ALG12: variants seen among roughly 807,000 people sequenced by gnomAD.
ALG12 encodes the protein ALG12 alpha-1,6-mannosyltransferase.
A neutral mutation model predicts 46.0 loss-of-function variants in ALG12; 36 were observed. That is an observed-to-expected ratio of 0.78 (90% CI 0.60 to 1.03). ALG12 has a LOEUF of 1.03. Ranked by LOEUF, ALG12 falls within the 50% of genes least tolerant of loss-of-function variation. The pLI is 0.00. For missense variants in ALG12, 599 were observed against 633.5 expected (o/e 0.95, Z 0.58); for synonymous variants, 326 against 291.6 (o/e 1.12, Z -1.20).
chr22:49,896,138 C>G (rs922810624), downstream of ALG12, among the ~76,000 whole-genome samples: 10 of 152,224 alleles, frequency 6.6e-5, no homozygotes, highest in Non-Finnish European at 1.0e-4. Flanking sequence ...AGGAAACCCA[C>G]TGGTGTGGCT....
the ALG12 span, among the ~76,000 whole-genome samples, chr22:49,881,944 T>C: frequency 6.6e-6 from 1 of 152,256 alleles, no homozygotes; most frequent in Non-Finnish European, 1.5e-5. Flanking sequence ...CAGTTTTTAT[T>C]AACCTTGGAA....
Position 49,909,913 on chromosome 22 carries a change from C to T in ALG12, c.645G>A (p.Pro215=), listed in dbSNP as rs12167668. ...SVVRALRHAV[P]AGILCLGLTV... ...ACTTACCTAAACAGAGGATCCCTGCCGGGACGGCGTGGCGAAGGGCTCTGA... is the reference window on the plus strand; with the variant it reads ...ACTTACCTAAACAGAGGATCCCTGCTGGGACGGCGTGGCGAAGGGCTCTGA... The change falls in exon 5 of 10, where the codon CCG becomes CCA. Residue 215 remains proline (P), a synonymous_variant. Transcript: ENST00000330817. 1,769 of 1,614,128 alleles carry T rather than the reference C, an allele frequency of 1.1e-3. 9 individuals carry two copies. The African/African-American group carries it at 0.02, about 18-fold the overall frequency.
At chr22:49,870,554 G>A in the ALG12 span, among the ~76,000 whole-genome samples, 1 of 152,044 alleles carries the variant, frequency 6.6e-6, no homozygotes, top group Middle Eastern at 3.2e-3. Context: ...TTGTGGTTTT[G>A]ATTTGCACTT....
At position 49,906,277 on chromosome 22, in the gene ALG12, C is replaced by T. The variant is rs1030576693; in HGVS notation, c.992+1444G>A. On this transcript the variant is annotated intron_variant, in intron 7 of 9. Transcript: ENST00000330817. This position sits in a 1 kb window ranked among gnomAD's most constrained non-coding sequence, Gnocchi z 4.4. ...GAATACAATCCATCCGCGCCGCTCTCCCCGTCTTTCCTACCCTCTTTTCCA... is the reference window on the plus strand; with the variant it reads ...GAATACAATCCATCCGCGCCGCTCTTCCCGTCTTTCCTACCCTCTTTTCCA... Among the ~76,000 whole-genome samples the T allele has an allele frequency of 1.3e-5, 2 of 152,222 alleles. No individual in the cohort carries two copies. The highest frequency in any genetic ancestry group is 4.8e-5 in the African/African-American group (2 of 41,458).
At chr22:49,886,845 G>A in the ALG12 span, 3 of 1,614,070 alleles carry the variant, frequency 1.9e-6, no homozygotes, top group Non-Finnish European at 2.5e-6. This position sits in a 1 kb window ranked among gnomAD's most constrained non-coding sequence, Gnocchi z 7.7. Context: ...CTGCCGCAGA[G>A]GAGAACCTGT....
chr22:49,864,008 G>A, the ALG12 span, among the ~76,000 whole-genome samples: 1 of 152,166 alleles, frequency 6.6e-6, no homozygotes, highest in Non-Finnish European at 1.5e-5. Flanking sequence ...TGCTCATCTT[G>A]TATTTTTCCG....
chr22:49,878,165 C>T, the ALG12 span, among the ~76,000 whole-genome samples: 1 of 152,032 alleles, frequency 6.6e-6, no homozygotes, highest in Admixed American at 6.6e-5. Context: ...ATTAGCCAGA[C>T]GTGGTGACAG....
the ALG12 span, chr22:49,883,716 T>A: frequency 1.2e-6 from 2 of 1,606,726 alleles, no homozygotes; most frequent in African/African-American, 1.3e-5. Context: ...TCGTTTCTGA[T>A]AAAATAAAGT....
chr22:49,863,456 G>A, the ALG12 span, among the ~76,000 whole-genome samples: 1 of 152,062 alleles, frequency 6.6e-6, no homozygotes, highest in Non-Finnish European at 1.5e-5. Context: ...GTGAAACCAC[G>A]TCTCTACTAA....
the ALG12 span, chr22:49,885,691 G>C: frequency 1.9e-6 from 3 of 1,611,100 alleles, no homozygotes; most frequent in African/African-American, 4.0e-5. Context: ...TTCTTTTGTA[G>C]ACAACGTTGG....
chr22:49,877,866 G>A, the ALG12 span, among the ~76,000 whole-genome samples: 1 of 152,134 alleles, frequency 6.6e-6, no homozygotes, highest in African/African-American at 2.4e-5. Flanking sequence ...CACTCTGCAG[G>A]ATTGTTTCGA....
At chr22:49,913,250 G>T in intron 3 of ALG12, 135 bp downstream of exon 3, 1 of 1,405,964 alleles carries the variant, frequency 7.1e-7, no homozygotes, top group Non-Finnish European at 9.9e-7. Flanking sequence ...GCTCTGAGCC[G>T]CCATGCCACG....
the ALG12 span, chr22:49,883,781 T>C: frequency 6.2e-7 from 1 of 1,613,316 alleles, no homozygotes; most frequent in Middle Eastern, 1.6e-4. Flanking sequence ...TTGGAAAGAA[T>C]GGACTTTAAA....
At chr22:49,877,983 T>G in the ALG12 span, among the ~76,000 whole-genome samples, 1 of 152,046 alleles carries the variant, frequency 6.6e-6, no homozygotes. Context: ...ATACTACATA[T>G]AAAGCTGCTG....
chr22:49,889,503 C>G, the ALG12 span: 1 of 167,090 alleles, frequency 6.0e-6, no homozygotes, highest in East Asian at 1.9e-4. Context: ...CTTCATGCTG[C>G]TGTATTTTTA....
the ALG12 span, among the ~76,000 whole-genome samples, chr22:49,865,692 G>T: frequency 6.6e-6 from 1 of 151,830 alleles, no homozygotes; most frequent in Non-Finnish European, 1.5e-5. Flanking sequence ...GCTCACATTG[G>T]GTCCTCATGT....
In ALG12 at chr22:49,904,681, C is replaced by T. The variant is rs115518005; in HGVS notation, c.993-175G>A. 1,732 of 677,568 alleles carry T rather than the reference C, an allele frequency of 2.6e-3. 28 individuals are homozygous for T. The African/African-American group carries it at 0.029, about 11-fold the overall frequency. 42.0% of individuals were successfully genotyped at this position (677,568 alleles called of 1,614,324 possible). On this transcript the variant is annotated intron_variant, in intron 7 of 9. Coordinates refer to ENST00000330817, the MANE Select transcript of ALG12 (RefSeq NM_024105.4). ...CGTAAAAGTGGTTAAGATACTGCCT[C>T]AAGAATTGTCTGTGAAATTCTACCC... is the stretch of plus-strand genomic sequence containing the variant.
chr22:49,861,748 G>T, the ALG12 span, among the ~76,000 whole-genome samples: 1 of 152,184 alleles, frequency 6.6e-6, no homozygotes, highest in Non-Finnish European at 1.5e-5. Flanking sequence ...CTGCGTGTCT[G>T]GTTTTTCTGC....
chr22:49,906,913 C>T lies in ALG12; in HGVS notation c.992+808G>A, dbSNP rs1161250901. Among the ~76,000 whole-genome samples the T allele has an allele frequency of 6.6e-6, 1 of 152,108 alleles. No homozygotes were observed. The highest frequency in any genetic ancestry group is 2.4e-5 in the African/African-American group (1 of 41,406). On this transcript the variant is annotated intron_variant, in intron 7 of 9. Transcript: ENST00000330817. This position sits in a 1 kb window ranked among gnomAD's most constrained non-coding sequence, Gnocchi z 4.4. ...GACTCTCCTGGCTCCCTGAGGCTTG[C>T]AACACTGAGTGGCAGCCGCGCTCAG... is the stretch of plus-strand genomic sequence containing the variant.
Sources: allele counts gnomAD v4.1 joint callset (sites outside exome capture counted in the v4.1 genomes callset), GRCh38; gene constraint gnomAD v4.1.1; non-coding constraint Gnocchi (gnomAD v3.1); transcripts MANE v1.5; gene names NCBI Gene and HGNC (gene_info 2026-07-23, HGNC 2026-07-21).